Variants in ZNF676 observed in about 807,000 individuals in gnomAD.
ZNF676 encodes zinc finger protein 676.
In ZNF676, 4 loss-of-function variants were observed where a neutral mutation model predicts 6.0. The ratio of observed to expected loss-of-function variants is 0.67; its 90% CI spans 0.33 to 1.53. The LOEUF (loss-of-function observed/expected upper bound fraction) is 1.53. Ranked by LOEUF, ZNF676 falls within the 40% of genes most tolerant of loss-of-function variation. The pLI, the probability that ZNF676 is intolerant of heterozygous loss-of-function variation, is 0.06. For missense variants in ZNF676, 644 were observed against 679.7 expected (o/e 0.95, Z 0.58); for synonymous variants, 198 against 223.1 (o/e 0.89, Z 1.00).
chr19:22,243,033 C>T, the ZNF676 span, among the ~76,000 whole-genome samples: 1 of 151,694 alleles, frequency 6.6e-6, no homozygotes, highest in Non-Finnish European at 1.5e-5. Flanking sequence ...TGTGGTAAGC[C>T]CAGTATTAAG....
rs1232866175 is a variant in ZNF676 at position 22,180,801 on chromosome 19, C to A, written c.916G>T (p.Glu306Ter). 1 of 1,594,468 alleles carries A rather than the reference C, an allele frequency of 6.3e-7. No individual in the cohort carries two copies. Among genetic ancestry groups the A allele is most frequent in the African/African-American group, 1.3e-5 (1 of 74,296 alleles). ...CATTCTTCACACTTGTAGGGTTTCT[C>A]TCCAGTATGAATTCTCTTATGTTCC... ...LMEHKRIHTG[E>*]KPYKCEECGK... Residue 306 changes from glutamate to a stop codon, truncating the protein, a stop_gained, in exon 3 of 3, where the codon GAG becomes TAG. Transcript: ENST00000397121. LOFTEE classifies it low-confidence loss of function (END_TRUNC).
the ZNF676 span, among the ~76,000 whole-genome samples, chr19:22,230,668 TA>T: frequency 0.4 from 60,702 of 150,216 alleles, 12,935 homozygotes; most frequent in African/African-American, 0.55. Flanking sequence ...TATATATATA[TA>T]TTTTTTTGAG....
chr19:22,211,047 A>C (rs1002677004), intron 1 of ZNF676, among the ~76,000 whole-genome samples: 31 of 151,318 alleles, frequency 2.0e-4, no homozygotes, highest in African/African-American at 7.3e-4. Flanking sequence ...TAATCCTTAA[A>C]GATCTTATAG....
chr19:22,198,027 G>C (rs752583345), upstream of ZNF676, among the ~76,000 whole-genome samples: 7 of 152,164 alleles, frequency 4.6e-5, no homozygotes, highest in Non-Finnish European at 8.8e-5. Context: ...AGCACTGAGA[G>C]AGCAGGTATC....
the ZNF676 span, among the ~76,000 whole-genome samples, chr19:22,239,301 G>A: frequency 4.8e-5 from 7 of 146,362 alleles, no homozygotes; most frequent in East Asian, 2.1e-4. Context: ...TCAGCCTCCC[G>A]AGTAGCTAGG....
intron 2 of ZNF676, among the ~76,000 whole-genome samples, chr19:22,182,262 C>T (rs922900614): frequency 3.3e-5 from 5 of 152,034 alleles, no homozygotes; most frequent in Non-Finnish European, 7.4e-5. Context: ...CTAGCCAAGA[C>T]CATTATTTTC....
At chr19:22,229,581 G>A in the ZNF676 span, among the ~76,000 whole-genome samples, 1 of 152,126 alleles carries the variant, frequency 6.6e-6, no homozygotes, top group Non-Finnish European at 1.5e-5. Flanking sequence ...TGGAATGGGA[G>A]AAAAATTTTG....
At chr19:22,202,950 G>A (rs528020315) in intron 1 of ZNF676, among the ~76,000 whole-genome samples, 1 of 152,228 alleles carries the variant, frequency 6.6e-6, no homozygotes, top group African/African-American at 2.4e-5. Context: ...TAAAGCAATA[G>A]CTCTCTACTC....
At chr19:22,246,890 A>G in the ZNF676 span, among the ~76,000 whole-genome samples, 30 of 152,218 alleles carry the variant, frequency 2.0e-4, no homozygotes, top group Non-Finnish European at 3.8e-4. Flanking sequence ...GACAAGAATT[A>G]TATTAGCTGC....
chr19:22,219,045 T>TG (rs1441910485), upstream of ZNF676, among the ~76,000 whole-genome samples: 2 of 149,622 alleles, frequency 1.3e-5, no homozygotes, highest in African/African-American at 5.0e-5. Context: ...TTTTTTTTTT[T>TG]TGGTATCCTG....
At chr19:22,234,385 G>T in the ZNF676 span, among the ~76,000 whole-genome samples, 6 of 152,134 alleles carry the variant, frequency 3.9e-5, no homozygotes, top group African/African-American at 1.4e-4. Flanking sequence ...TAACTTACTT[G>T]TGCCTTCAGA....
At position 22,179,828 on chromosome 19, in the gene ZNF676, T is replaced by C. The variant is rs1323967798; in HGVS notation, c.*122A>G. On this transcript the variant is annotated 3_prime_UTR_variant, in exon 3 of 3. Coordinates refer to ENST00000397121, the MANE Select transcript of ZNF676 (RefSeq NM_001001411.3). The stretch of plus-strand genomic sequence containing the variant: ...TGAATTTTCTTATGTGTAATAAAGA[T>C]TGAGGACTGTTTAAAAGCTTTGCCA... 23 of 1,132,270 alleles carry C rather than the reference T, an allele frequency of 2.0e-5. No homozygotes were observed. The highest frequency in any genetic ancestry group is 2.9e-5 in the Non-Finnish European group (22 of 762,096). The allele number at this position is 1,132,270 out of a possible 1,614,324, so 70.1% of individuals were successfully genotyped here.
At chr19:22,226,874 C>T in the ZNF676 span, among the ~76,000 whole-genome samples, 1 of 152,144 alleles carries the variant, frequency 6.6e-6, no homozygotes, top group African/African-American at 2.4e-5. Context: ...TCTCGGGTTA[C>T]AGAGGTGAGC....
In ZNF676 at chr19:22,179,902, T is replaced by G. The variant is rs377710914; in HGVS notation, c.*48A>C. On this transcript the variant is annotated 3_prime_UTR_variant, in exon 3 of 3. Transcript: ENST00000397121. ...CTCTCCAGTATGAATTTTCTTATGTTTACTAGACTGAGAATCAGCTGAAGG... is the reference window on the plus strand; with the variant it reads ...CTCTCCAGTATGAATTTTCTTATGTGTACTAGACTGAGAATCAGCTGAAGG... 5.0e-4 allele frequency: 798 copies of G among 1,584,726 alleles called. 1 individual carries two copies. Among genetic ancestry groups the G allele is most frequent in the Non-Finnish European group, 6.5e-4 (755 of 1,157,640 alleles).
chr19:22,209,955 G>A (rs1391163099), intron 1 of ZNF676, among the ~76,000 whole-genome samples: 1 of 152,182 alleles, frequency 6.6e-6, no homozygotes, highest in Non-Finnish European at 1.5e-5. Flanking sequence ...CCAGAGAGGG[G>A]TGTGGACACA....
At chr19:22,252,771 T>C in the ZNF676 span, among the ~76,000 whole-genome samples, 3 of 152,200 alleles carry the variant, frequency 2.0e-5, no homozygotes, top group African/African-American at 4.8e-5. Context: ...AGCCACAATA[T>C]GTCAAAGTTG....
chr19:22,207,983 T>TAA (rs59890557), intron 1 of ZNF676, among the ~76,000 whole-genome samples: 4,964 of 129,078 alleles, frequency 0.038, 258 homozygotes, highest in African/African-American at 0.13. Context: ...TTAAAAATTA[T>TAA]AAAAAAAAAA....
At chr19:22,191,400 T>C (rs1398777817) in intron 2 of ZNF676, among the ~76,000 whole-genome samples, 1 of 152,140 alleles carries the variant, frequency 6.6e-6, no homozygotes, top group East Asian at 1.9e-4. Context: ...GTCTTGGTCC[T>C]CCAGAGGCTT....
chr19:22,180,124 T>G lies in ZNF676; in HGVS notation c.1593A>C (p.Lys531Asn). The change falls in exon 3 of 3, where the codon AAA (lysine) becomes AAC (asparagine). Residue 531 changes from lysine to asparagine, a missense_variant. This residue lies in a region of ZNF676 where 306 missense variants were observed against 265.4 expected (regional missense o/e 1.15). Coordinates refer to ENST00000397121, the MANE Select transcript of ZNF676 (RefSeq NM_001001411.3). The stretch of plus-strand genomic sequence containing the variant: ...TGCCACATTCTTCACATTTGTAGGG[T>G]TTCTCTCCAGTATGAATTATCTTAT... ...TEHKIIHTGE[K>N]PYKCEECGKA... is the part of the protein sequence containing the mutation. 6.2e-7 allele frequency: 1 copy of G among 1,613,498 alleles called. No individual in the cohort carries two copies. Among genetic ancestry groups the G allele is most frequent in the African/African-American group, 1.3e-5 (1 of 74,896 alleles).
Sources: allele counts gnomAD v4.1 joint callset (sites outside exome capture counted in the v4.1 genomes callset), GRCh38; gene constraint gnomAD v4.1.1; regional missense constraint gnomAD v4.1.1; transcripts MANE v1.5; gene names NCBI Gene and HGNC (gene_info 2026-07-23, HGNC 2026-07-21).